The following SLC6A11 variants were observed in gnomAD, a reference collection of about 807,000 sequenced individuals.
SLC6A11 encodes the protein solute carrier family 6 member 11.
In SLC6A11, 25 loss-of-function variants were observed where a neutral mutation model predicts 74.8. The observed-to-expected ratio is 0.33, with a 90% confidence interval of 0.24 to 0.47. SLC6A11 has a LOEUF of 0.47. SLC6A11 is among the 20% of genes least tolerant of loss of function. SLC6A11 has a pLI of 1.00. For missense variants in SLC6A11, 574 were observed against 837.0 expected (o/e 0.69, Z 3.88); for synonymous variants, 330 against 330.2 (o/e 1.00, Z 0.01).
chr3:10,819,553 T>G lies in SLC6A11; in HGVS notation c.345T>G (p.Ser115Arg). The change falls in exon 2 of 14, where the codon AGT (serine) becomes AGG (arginine). Residue 115 changes from serine to arginine, a missense_variant. By Grantham distance (110) the Ser-to-Arg change is moderately radical. Coordinates refer to ENST00000254488, the MANE Select transcript of SLC6A11 (RefSeq NM_014229.3). ...AGACAGCTCTGGGGCAGTTCACAAGTGAAGGTGGCATTACGTGTTGGAGGA... is the reference window on the plus strand; with the variant it reads ...AGACAGCTCTGGGGCAGTTCACAAGGGAAGGTGGCATTACGTGTTGGAGGA... ...FLETALGQFTSEGGITCWRKV... is the reference protein window; with the variant it reads ...FLETALGQFTREGGITCWRKV... 6.2e-7 allele frequency: 1 copy of G among 1,614,202 alleles called. No individual in the cohort carries two copies. The highest frequency in any genetic ancestry group is 8.5e-7 in the Non-Finnish European group (1 of 1,180,014).
At chr3:10,928,750 A>T (rs1695643781) in intron 9 of SLC6A11, among the ~76,000 whole-genome samples, 1 of 152,048 alleles carries the variant, frequency 6.6e-6, no homozygotes, top group African/African-American at 2.4e-5. Context: ...ACAGAGACAG[A>T]CCAGAGCCTG....
At chr3:10,875,508 C>T (rs569902855) in intron 6 of SLC6A11, among the ~76,000 whole-genome samples, 1 of 152,220 alleles carries the variant, frequency 6.6e-6, no homozygotes, top group African/African-American at 2.4e-5. Flanking sequence ...GAAACAAATA[C>T]TAAATTTCAG....
At chr3:10,819,666 T>C in intron 2 of SLC6A11, 46 bp from the exon 3 acceptor site, 1 of 1,611,152 alleles carries the variant, frequency 6.2e-7, no homozygotes. Context: ...GGCAGATTGT[T>C]TTGAAAAGAT....
intron 6 of SLC6A11, among the ~76,000 whole-genome samples, chr3:10,876,777 A>C (rs868115613): frequency 9.6e-6 from 1 of 104,050 alleles, no homozygotes; most frequent in Non-Finnish European, 1.8e-5. Context: ...AGAGAGAGAG[A>C]GAGAGAGAAA....
rs147470618 is a variant in SLC6A11 at position 10,932,776 on chromosome 3, G to T, written c.1372-375G>T. ...GAGGAAGGTTCCTCTGAAAGCTGGC[G>T]TGCAGACGGATTGGAGAGGGTGAGG... On this transcript the variant is annotated intron_variant, in intron 10 of 13. Coordinates refer to ENST00000254488, the MANE Select transcript of SLC6A11 (RefSeq NM_014229.3). Among the ~76,000 whole-genome samples, 4 of 152,180 alleles carry T rather than the reference G, an allele frequency of 2.6e-5. No homozygotes were observed. The South Asian group carries it at 8.3e-4, about 32-fold the overall frequency.
chr3:10,901,088 C>T (rs1695234146), intron 6 of SLC6A11, among the ~76,000 whole-genome samples: 1 of 152,210 alleles, frequency 6.6e-6, no homozygotes, highest in Admixed American at 6.5e-5. Flanking sequence ...GAACACTCCT[C>T]AGGGGACAGC....
chr3:10,928,403 C>A (rs997460909), intron 9 of SLC6A11, among the ~76,000 whole-genome samples: 9 of 152,032 alleles, frequency 5.9e-5, no homozygotes, highest in African/African-American at 1.9e-4. Flanking sequence ...GAGTGGGGGA[C>A]AAGAGTGATC....
chr3:10,853,438 C>T (rs546287885), intron 5 of SLC6A11, among the ~76,000 whole-genome samples: 1 of 152,314 alleles, frequency 6.6e-6, no homozygotes, highest in South Asian at 2.1e-4. Context: ...GCTGGGTCCC[C>T]TTCCAGAGAA....
intron 5 of SLC6A11, among the ~76,000 whole-genome samples, chr3:10,859,606 A>G (rs1694680014): frequency 6.6e-6 from 1 of 152,166 alleles, no homozygotes; most frequent in African/African-American, 2.4e-5. Flanking sequence ...GGATGTTTCA[A>G]GGTATCCATG....
chr3:10,836,297 G>T (rs936042101), intron 4 of SLC6A11, among the ~76,000 whole-genome samples: 1 of 152,148 alleles, frequency 6.6e-6, no homozygotes, highest in Non-Finnish European at 1.5e-5. Flanking sequence ...TCTACCTTGG[G>T]CTATTACGAA....
chr3:10,842,926 A>G (rs757476966), intron 4 of SLC6A11, among the ~76,000 whole-genome samples: 5 of 152,166 alleles, frequency 3.3e-5, no homozygotes, highest in Non-Finnish European at 7.3e-5. Context: ...ATGCAGAATC[A>G]GGCCCCAAGC....
intron 13 of SLC6A11, among the ~76,000 whole-genome samples, chr3:10,937,453 G>A (rs1695771852): frequency 6.6e-6 from 1 of 152,214 alleles, no homozygotes; most frequent in African/African-American, 2.4e-5. Context: ...AGAGAACATG[G>A]AACCTCGATC....
intron 6 of SLC6A11, among the ~76,000 whole-genome samples, chr3:10,880,531 A>G (rs565344158): frequency 1.3e-5 from 2 of 152,312 alleles, no homozygotes; most frequent in Admixed American, 1.3e-4. Context: ...GAAATAGGAA[A>G]TAGGAAGGAG....
chr3:10,849,302 G>T (rs940606842), intron 5 of SLC6A11, among the ~76,000 whole-genome samples: 1 of 152,186 alleles, frequency 6.6e-6, no homozygotes, highest in Non-Finnish European at 1.5e-5. Context: ...TTGGAATGGG[G>T]ATAATTGAAA....
At chr3:10,914,297 C>T (rs1575700880) in intron 7 of SLC6A11, among the ~76,000 whole-genome samples, 1 of 152,186 alleles carries the variant, frequency 6.6e-6, no homozygotes, top group South Asian at 2.1e-4. Flanking sequence ...TCTGGCCTCC[C>T]CACTACATCC....
chr3:10,900,069 G>C (rs148937890), intron 6 of SLC6A11, among the ~76,000 whole-genome samples: 1 of 151,880 alleles, frequency 6.6e-6, no homozygotes, highest in Admixed American at 6.5e-5. Flanking sequence ...GCAGAAATGG[G>C]GGTTGGATGT....
chr3:10,850,095 G>A (rs891564359), intron 5 of SLC6A11, among the ~76,000 whole-genome samples: 2 of 152,148 alleles, frequency 1.3e-5, no homozygotes, highest in African/African-American at 2.4e-5. Context: ...GTCCTTTATA[G>A]ACAAAATTTG....
chr3:10,928,171 C>G (rs993129053), intron 9 of SLC6A11, among the ~76,000 whole-genome samples: 1 of 152,116 alleles, frequency 6.6e-6, no homozygotes, highest in Non-Finnish European at 1.5e-5. Flanking sequence ...GATATGTTTG[C>G]TATTATTCGT....
At chr3:10,890,948 C>T (rs1334170589) in intron 6 of SLC6A11, among the ~76,000 whole-genome samples, 2 of 152,032 alleles carry the variant, frequency 1.3e-5, no homozygotes, top group Admixed American at 6.5e-5. Context: ...TGTAATCATA[C>T]CCATATCTGG....
Sources: gnomAD v4.1 joint callset for allele counts (sites outside exome capture counted in the v4.1 genomes callset) on GRCh38, gnomAD v4.1.1 for gene constraint, MANE v1.5 for transcripts, NCBI Gene and HGNC (gene_info 2026-07-23, HGNC 2026-07-21) for gene names.